Variants in GMDS observed in about 807,000 individuals in gnomAD.
The protein encoded by GMDS is GDP-mannose 4,6-dehydratase.
Under a neutral mutation model 49.9 loss-of-function variants are expected in GMDS, and 20 were observed. The ratio of observed to expected loss-of-function variants is 0.40; its 90% CI spans 0.28 to 0.58. GMDS has a LOEUF of 0.58. Among genes scored for constraint, GMDS ranks in the 20% least tolerant of loss-of-function variants. The pLI, the probability that GMDS is intolerant of heterozygous loss-of-function variation, is 0.42. For synonymous variants in GMDS, 177 were observed against 178.6 expected (o/e 0.99, Z 0.07); for missense variants, 362 against 481.4 (o/e 0.75, Z 2.32).
chr6:1,698,284 G>A (rs1765412594), intron 9 of GMDS, among the ~76,000 whole-genome samples: 1 of 152,224 alleles, frequency 6.6e-6, no homozygotes, highest in African/African-American at 2.4e-5. Context: ...TACATGTGAG[G>A]TAGCGCTGGA....
At chr6:2,187,960 A>C (rs1778852383) in intron 1 of GMDS, among the ~76,000 whole-genome samples, 1 of 152,238 alleles carries the variant, frequency 6.6e-6, no homozygotes, top group Admixed American at 6.5e-5. Flanking sequence ...TTGCCTAGGA[A>C]AGGAGAACAG....
chr6:1,996,659 C>A (rs1477662071), intron 4 of GMDS, among the ~76,000 whole-genome samples: 3 of 152,162 alleles, frequency 2.0e-5, no homozygotes, highest in Non-Finnish European at 4.4e-5. Context: ...CCATCACATG[C>A]ACCTTCCCAT....
At chr6:1,688,612 C>G (rs1183097653) in intron 9 of GMDS, among the ~76,000 whole-genome samples, 2 of 152,218 alleles carry the variant, frequency 1.3e-5, no homozygotes, top group African/African-American at 4.8e-5. Context: ...AGGTCTTTAT[C>G]TTAAATACCA....
At chr6:1,637,447 G>A (rs148897209) in intron 9 of GMDS, among the ~76,000 whole-genome samples, 10 of 152,348 alleles carry the variant, frequency 6.6e-5, no homozygotes, top group African/African-American at 2.2e-4. Context: ...GTGAAGGCAC[G>A]GCTGGACTTC....
intron 9 of GMDS, among the ~76,000 whole-genome samples, chr6:1,693,935 C>T (rs1363140600): frequency 1.3e-5 from 2 of 152,122 alleles, no homozygotes; most frequent in African/African-American, 4.8e-5. Flanking sequence ...TAAGAGGAAA[C>T]TGGAACTTAG....
intron 9 of GMDS, among the ~76,000 whole-genome samples, chr6:1,661,730 G>T (rs1277336302): frequency 6.6e-6 from 1 of 152,244 alleles, no homozygotes; most frequent in Admixed American, 6.5e-5. Flanking sequence ...CTGACAGAGA[G>T]CGAGTGAGCA....
chr6:1,827,153 GCA>G (rs549906355), intron 7 of GMDS, among the ~76,000 whole-genome samples: 69 of 130,594 alleles, frequency 5.3e-4, no homozygotes, highest in African/African-American at 1.1e-3. Flanking sequence ...ATATATATAT[GCA>G]CACACACACA....
chr6:1,891,421 C>T (rs1051994981), intron 7 of GMDS, among the ~76,000 whole-genome samples: 1 of 152,182 alleles, frequency 6.6e-6, no homozygotes, highest in Non-Finnish European at 1.5e-5. Flanking sequence ...AACAAGAGCC[C>T]AGCCCATTCA....
rs145580101 is a variant in GMDS, at chr6:2,214,658, T to C, written c.102+30663A>G. Among the ~76,000 whole-genome samples, 833 of 152,276 alleles carry C rather than the reference T, an allele frequency of 5.5e-3. 2 individuals carry two copies. Among genetic ancestry groups the C allele is most frequent in the Middle Eastern group, 0.017 (5 of 294 alleles). On this transcript the variant is annotated intron_variant, in intron 1 of 10. Coordinates refer to ENST00000380815, the MANE Select transcript of GMDS (RefSeq NM_001500.4). The stretch of plus-strand genomic sequence containing the variant: ...GGATACCAAGGAATGATTACACTTA[T>C]GAGCTTCTTTTTTTACATAAATTTT...
At chr6:1,830,299 T>C (rs1252080454) in intron 7 of GMDS, among the ~76,000 whole-genome samples, 1 of 152,204 alleles carries the variant, frequency 6.6e-6, no homozygotes, top group African/African-American at 2.4e-5. Context: ...AAATAATTCT[T>C]TGTTGTGGAG....
intron 7 of GMDS, among the ~76,000 whole-genome samples, chr6:1,767,401 A>C (rs1233318647): frequency 1.3e-5 from 2 of 152,226 alleles, no homozygotes; most frequent in African/African-American, 4.8e-5. Context: ...AAAAGGAAAA[A>C]AAGATGGCCA....
chr6:1,860,771 A>G (rs1162290315), intron 7 of GMDS, among the ~76,000 whole-genome samples: 1 of 152,174 alleles, frequency 6.6e-6, no homozygotes, highest in African/African-American at 2.4e-5. Flanking sequence ...CTTGATGGGG[A>G]AGGCAAAATC....
chr6:1,677,769 C>A (rs1038117330), intron 9 of GMDS, among the ~76,000 whole-genome samples: 3 of 128,314 alleles, frequency 2.3e-5, no homozygotes, highest in African/African-American at 6.1e-5. Context: ...ACACAGGGTG[C>A]GGAACATCAC....
At chr6:1,697,542 G>A (rs12525841) in intron 9 of GMDS, among the ~76,000 whole-genome samples, 14,363 of 152,244 alleles carry the variant, frequency 0.094, 990 homozygotes, top group East Asian at 0.29. Flanking sequence ...ACCTTGGCGC[G>A]CTGCAGCCTC....
chr6:1,969,076 A>G (rs1345470448), intron 4 of GMDS, among the ~76,000 whole-genome samples: 1 of 151,874 alleles, frequency 6.6e-6, no homozygotes, highest in Non-Finnish European at 1.5e-5. Context: ...CCTGGCTAAC[A>G]CGGTGAAACC....
At chr6:1,982,926 T>C (rs1454308454) in intron 4 of GMDS, among the ~76,000 whole-genome samples, 1 of 152,126 alleles carries the variant, frequency 6.6e-6, no homozygotes, top group Non-Finnish European at 1.5e-5. Flanking sequence ...GCCAAGACAA[T>C]GTTAAGCAAA....
intron 7 of GMDS, among the ~76,000 whole-genome samples, chr6:1,871,667 T>C (rs6596858): frequency 0.074 from 11,255 of 152,290 alleles, 466 homozygotes; most frequent in South Asian, 0.15. Flanking sequence ...ACTTGTTCCA[T>C]GCTAAATACG....
intron 7 of GMDS, among the ~76,000 whole-genome samples, chr6:1,878,117 T>C (rs1759171192): frequency 1.3e-5 from 2 of 151,992 alleles, no homozygotes; most frequent in East Asian, 1.9e-4. Flanking sequence ...ATCGAGACCA[T>C]CCTGGCTAAC....
intron 7 of GMDS, among the ~76,000 whole-genome samples, chr6:1,769,800 C>T (rs1016338715): frequency 1.3e-5 from 2 of 151,998 alleles, no homozygotes; most frequent in African/African-American, 4.8e-5. Context: ...GATCTCTGCT[C>T]ACTGCAACCT....
Sources: gnomAD v4.1 joint callset for allele counts (sites outside exome capture counted in the v4.1 genomes callset) on GRCh38, gnomAD v4.1.1 for gene constraint, MANE v1.5 for transcripts, NCBI Gene and HGNC (gene_info 2026-07-23, HGNC 2026-07-21) for gene names.